Variants in ZDHHC20 observed in about 807,000 individuals in gnomAD.
ZDHHC20 encodes zDHHC palmitoyltransferase 20, also known as palmitoyltransferase ZDHHC20.
Under a neutral mutation model 57.8 loss-of-function variants are expected in ZDHHC20, and 43 were observed. The ratio of observed to expected loss-of-function variants is 0.74; its 90% CI spans 0.58 to 0.96. The LOEUF (loss-of-function observed/expected upper bound fraction) is 0.96, where lower values mean the gene tolerates loss of function less well. Ranked by LOEUF, ZDHHC20 falls within the 40% of genes least tolerant of loss-of-function variation. ZDHHC20 has a pLI of 0.00. For synonymous variants in ZDHHC20, 157 were observed against 153.0 expected, an observed-to-expected ratio of 1.03 and a Z score of -0.19; for missense variants, 391 against 441.1, an observed-to-expected ratio of 0.89 and a Z score of 1.02.
At chr13:21,411,580 C>A (rs1879225328) in intron 4 of ZDHHC20, among the ~76,000 whole-genome samples, 1 of 152,098 alleles carries the variant, frequency 6.6e-6, no homozygotes, top group African/African-American at 2.4e-5. Flanking sequence ...CTTCTCCACT[C>A]AACATTCTGA....
chr13:21,383,989 T>G (rs998851529), intron 9 of ZDHHC20, among the ~76,000 whole-genome samples: 3 of 151,966 alleles, frequency 2.0e-5, no homozygotes, highest in Non-Finnish European at 4.4e-5. Context: ...AATAATTGTT[T>G]TCAAAATAGG....
At chr13:21,451,187 C>T (rs1884405309) in intron 1 of ZDHHC20, among the ~76,000 whole-genome samples, 1 of 152,128 alleles carries the variant, frequency 6.6e-6, no homozygotes. Flanking sequence ...TGTTTCATAA[C>T]CCAAAACAAA....
intron 2 of ZDHHC20, among the ~76,000 whole-genome samples, chr13:21,422,516 C>CA (rs1466328745): frequency 6.6e-6 from 1 of 152,122 alleles, no homozygotes; most frequent in Non-Finnish European, 1.5e-5. Context: ...TCCAGTCACG[C>CA]AGTTGACCAA....
intron 9 of ZDHHC20, among the ~76,000 whole-genome samples, chr13:21,383,652 C>T (rs1449075838): frequency 6.6e-6 from 1 of 152,138 alleles, no homozygotes; most frequent in African/African-American, 2.4e-5. Flanking sequence ...GGGTAACTGA[C>T]CTGCTTATCA....
intron 1 of ZDHHC20, among the ~76,000 whole-genome samples, chr13:21,426,607 C>CTTTTT (rs778269073): frequency 2.2e-5 from 3 of 135,358 alleles, no homozygotes; most frequent in South Asian, 2.4e-4. Context: ...TTCTCCTTTT[C>CTTTTT]TTTTTTTTTT....
At chr13:21,399,782 GT>G (rs931396652) in intron 7 of ZDHHC20, among the ~76,000 whole-genome samples, 1 of 151,878 alleles carries the variant, frequency 6.6e-6, no homozygotes, top group East Asian at 1.9e-4. Flanking sequence ...TCCGTACCTT[GT>G]TTTTTTCACG....
intron 9 of ZDHHC20, among the ~76,000 whole-genome samples, chr13:21,387,217 T>C (rs1230463028): frequency 1.3e-5 from 2 of 152,212 alleles, no homozygotes. Flanking sequence ...ATTTTTATAA[T>C]TCTTTACTTC....
intron 11 of ZDHHC20, 148 bp downstream of exon 11, chr13:21,381,286 G>A (rs1873359633): frequency 2.5e-5 from 17 of 683,202 alleles, no homozygotes; most frequent in Non-Finnish European, 3.1e-5. Context: ...GATTACAGGC[G>A]TGAGCCACCG....
rs1313071275 is a variant in ZDHHC20 at position 21,412,637 on chromosome 13, A to G, written c.370+1015T>C. Among the ~76,000 whole-genome samples the G allele has an allele frequency of 6.6e-5, 10 of 152,260 alleles. No individual in the cohort carries two copies. The East Asian group carries it at 7.7e-4, about 12-fold the overall frequency. ...ACTAGAAGGAAGTGAGGCCCTGGAT[A>G]CAGACCACCTAGAAGACCTACAATC... On this transcript the variant is annotated intron_variant, in intron 4 of 12. Coordinates refer to ENST00000400590, the MANE Select transcript of ZDHHC20 (RefSeq NM_001330059.2).
At chr13:21,436,922 A>T (rs570914524) in intron 1 of ZDHHC20, among the ~76,000 whole-genome samples, 1 of 152,352 alleles carries the variant, frequency 6.6e-6, no homozygotes, top group Admixed American at 6.5e-5. Context: ...ACTCCAGTGG[A>T]GTGGCACTAA....
chr13:21,440,068 GAAAAAAAAAAAAAAA>G (rs376263181), intron 1 of ZDHHC20, among the ~76,000 whole-genome samples: 8 of 89,774 alleles, frequency 8.9e-5, no homozygotes, highest in East Asian at 1.1e-3. Flanking sequence ...CTGTTTCTCA[GAAAAAAAAAAAAAAA>G]AAAAAAAAAA....
intron 4 of ZDHHC20, among the ~76,000 whole-genome samples, chr13:21,407,036 T>A (rs1364509902): frequency 6.6e-6 from 1 of 152,118 alleles, no homozygotes. Context: ...TCACCCAGGC[T>A]GGAGTGCAGT....
intron 1 of ZDHHC20, among the ~76,000 whole-genome samples, chr13:21,443,359 G>T (rs796238190): frequency 1.3e-5 from 2 of 152,102 alleles, no homozygotes; most frequent in South Asian, 4.1e-4. Context: ...TCGGGATAGG[G>T]TTCTCATCTT....
At chr13:21,394,480 G>C (rs1296210031) in intron 7 of ZDHHC20, among the ~76,000 whole-genome samples, 2 of 152,122 alleles carry the variant, frequency 1.3e-5, no homozygotes, top group Non-Finnish European at 2.9e-5. Context: ...TCTACAAAGA[G>C]AGAACTCTGC....
At chr13:21,450,449 CAG>C (rs918879667) in intron 1 of ZDHHC20, among the ~76,000 whole-genome samples, 1 of 152,106 alleles carries the variant, frequency 6.6e-6, no homozygotes, top group African/African-American at 2.4e-5. Flanking sequence ...GGAAATAAAA[CAG>C]ATCTTTTTTT....
intron 7 of ZDHHC20, among the ~76,000 whole-genome samples, chr13:21,393,316 C>T (rs1176581931): frequency 6.6e-6 from 1 of 151,934 alleles, no homozygotes; most frequent in Non-Finnish European, 1.5e-5. Context: ...GCCTGGCCAA[C>T]ATGGTGAAAC....
chr13:21,430,218 C>G lies in ZDHHC20; in HGVS notation c.119-4540G>C, dbSNP rs140883851. Among the ~76,000 whole-genome samples, 546 of 152,156 alleles carry G rather than the reference C, an allele frequency of 3.6e-3. 1 individual carries two copies. The highest frequency in any genetic ancestry group is 5.8e-3 in the Non-Finnish European group (395 of 68,000). On this transcript the variant is annotated intron_variant, in intron 1 of 12. Transcript: ENST00000400590. ...TGTTTTTGCAGGCCTCGTCTGACTC[C>G]GTGCAGTGAGAGATGTGGGAGCACC...
intron 7 of ZDHHC20, among the ~76,000 whole-genome samples, chr13:21,393,277 C>T (rs577845033): frequency 2.0e-5 from 3 of 151,208 alleles, no homozygotes; most frequent in Admixed American, 6.6e-5. Context: ...CGGAGACAGG[C>T]GGATCACTTG....
At chr13:21,441,092 T>A (rs1883100112) in intron 1 of ZDHHC20, among the ~76,000 whole-genome samples, 1 of 152,176 alleles carries the variant, frequency 6.6e-6, no homozygotes, top group African/African-American at 2.4e-5. Context: ...TTCTTATTTT[T>A]CCATAAGACC....
Sources: allele counts gnomAD v4.1 joint callset (sites outside exome capture counted in the v4.1 genomes callset), GRCh38; gene constraint gnomAD v4.1.1; transcripts MANE v1.5; gene names NCBI Gene and HGNC (gene_info 2026-07-23, HGNC 2026-07-21).